The following GFAP variants were observed in gnomAD, a reference collection of about 807,000 sequenced individuals.
The protein encoded by GFAP is glial fibrillary acidic protein.
In GFAP, 38 loss-of-function variants were observed where a neutral mutation model predicts 49.3. That is an observed-to-expected ratio of 0.77 (90% CI 0.60 to 1.01). GFAP has a LOEUF of 1.01. Ranked by LOEUF, GFAP falls within the 50% of genes least tolerant of loss-of-function variation. GFAP has a pLI of 0.00. For synonymous variants in GFAP, 222 were observed against 236.4 expected (o/e 0.94, Z 0.56); for missense variants, 463 against 579.1 (o/e 0.80, Z 2.06).
At position 44,904,400 on chromosome 17, in the gene GFAP, G is replaced by A. The variant is rs567170574; in HGVS notation, c.*2947C>T. 7 of 1,542,180 alleles carry A rather than the reference G, an allele frequency of 4.5e-6. No individual in the cohort carries two copies. The highest frequency in any genetic ancestry group is 4.9e-5 in the East Asian group (2 of 40,674). On this transcript the variant is annotated 3_prime_UTR_variant, in exon 9 of 9. Coordinates refer to ENST00000588735, the MANE Select transcript of GFAP (RefSeq NM_002055.5). ...AGTGCGTGGGGAGCAGTGGCGCATC[G>A]GCCTCTGCTACCTGCAGAGCCCAGA...
At chr17:44,910,572 G>GC in intron 7 of GFAP, 43 bp downstream of exon 7, 1 of 1,559,040 alleles carries the variant, frequency 6.4e-7, no homozygotes, top group Non-Finnish European at 8.7e-7. Flanking sequence ...GGAGGAGGGG[G>GC]CAGGACTCCA....
chr17:44,911,425 T>C lies in GFAP; in HGVS notation c.938A>G (p.Gln313Arg), dbSNP rs762694136. Residue 313 changes from glutamine (Q) to arginine (R), a missense_variant, in exon 6 of 9, where the codon CAG becomes CGG. Gln to Arg is a conservative substitution (Grantham distance 43, BLOSUM62 1). Coordinates refer to ENST00000588735, the MANE Select transcript of GFAP (RefSeq NM_002055.5). ...NESLERQMRE[Q>R]EERHVREAAS... ...CGCCTCCCGCACGTGCCGCTCCTCC[T>C]GCTCGCGCATCTGCCTCTCCAGGGA... is the stretch of plus-strand genomic sequence containing the variant. 6 of 1,611,752 alleles carry C rather than the reference T, an allele frequency of 3.7e-6. No individual in the cohort carries two copies. The South Asian group carries it at 6.6e-5, about 18-fold the overall frequency.
At chr17:44,908,600 C>CCTGT (rs1400091872) in intron 7 of GFAP, 1 of 155,132 alleles carries the variant, frequency 6.4e-6, no homozygotes, top group African/African-American at 2.4e-5. Context: ...GTGGCTCACA[C>CCTGT]CTGTAATCCC....
intron 7 of GFAP, chr17:44,909,768 C>A: frequency 9.1e-7 from 1 of 1,100,524 alleles, no homozygotes; most frequent in South Asian, 2.9e-5. Flanking sequence ...CTGAGCTGAG[C>A]GATGGAGCCT....
At position 44,903,787 on chromosome 17, in the gene GFAP, C is replaced by A; in HGVS notation, c.*3560G>T. 6.6e-7 allele frequency: 1 copy of A among 1,515,630 alleles called. No homozygotes were observed. Among genetic ancestry groups the A allele is most frequent in the Non-Finnish European group, 8.8e-7 (1 of 1,130,210 alleles). The allele number at this position is 1,515,630 out of a possible 1,614,324, so 93.9% of individuals were successfully genotyped here. ...CTAGGAGCCCTATGAGCCTTTAATG[C>A]CCTGGTTTTGCCCTGCCCCTCTGAC... On this transcript the variant is annotated 3_prime_UTR_variant, in exon 9 of 9. Transcript: ENST00000588735.
At position 44,910,154 on chromosome 17, in the gene GFAP, C is replaced by T. The variant is rs958502694; in HGVS notation, c.1171+461G>A. The T allele has an allele frequency of 1.9e-6, 3 of 1,613,832 alleles. No homozygotes were observed. The East Asian group carries it at 6.7e-5, about 36-fold the overall frequency. On this transcript the variant is annotated intron_variant, in intron 7 of 8. Coordinates refer to ENST00000588735, the MANE Select transcript of GFAP (RefSeq NM_002055.5). ...CAGGCAGCTAACCGCGAGCCGGCGGCGTTCCATTTACAATCTGGTGAGCCT... is the reference window on the plus strand; with the variant it reads ...CAGGCAGCTAACCGCGAGCCGGCGGTGTTCCATTTACAATCTGGTGAGCCT...
intron 6 of GFAP, 85 bp from the exon 7 acceptor site, chr17:44,910,743 T>C (rs2051744221): frequency 1.3e-6 from 2 of 1,536,696 alleles, no homozygotes; most frequent in Non-Finnish European, 1.8e-6. Flanking sequence ...TCATGACAAC[T>C]TGAACGCCCT....
At chr17:44,914,620 C>A (rs114226788) in intron 1 of GFAP, 1 of 247,984 alleles carries the variant, frequency 4.0e-6, no homozygotes, top group Admixed American at 5.1e-5. Context: ...ACTTTCTTCA[C>A]CCCAGAATCC....
At position 44,915,381 on chromosome 17, in the gene GFAP, GGGTGCCAGGACCCAGACGGCGGCCA is replaced by G. The variant is rs763392767; in HGVS notation, c.81_105del (p.Gly28AlafsTer38). On this transcript the variant is annotated frameshift_variant, in exon 1 of 9. Coordinates refer to ENST00000588735, the MANE Select transcript of GFAP (RefSeq NM_002055.5). LOFTEE classifies it high-confidence loss of function. The surrounding 1 kb of genome is among the most constrained non-coding windows in gnomAD (Gnocchi z 4.1). ...GGGGGCATTCGAGCCAGGGAGAGGCGGGTGCCAGGACCCAGACGGCGGCCAGGAGCCAGGCCCCCCACCATCATCT... is the reference window on the plus strand; with the variant it reads ...GGGGGCATTCGAGCCAGGGAGAGGCGGGAGCCAGGCCCCCCACCATCATCT... The G allele has an allele frequency of 6.2e-7, 1 of 1,608,666 alleles. No individual in the cohort carries two copies. Among genetic ancestry groups the G allele is most frequent in the Non-Finnish European group, 8.5e-7 (1 of 1,176,472 alleles).
At position 44,907,394 on chromosome 17, in the gene GFAP, G is replaced by C. The variant is rs1339469711; in HGVS notation, c.1258-6C>G. 21 of 1,609,424 alleles carry C rather than the reference G, an allele frequency of 1.3e-5. No individual in the cohort carries two copies. The highest frequency in any genetic ancestry group is 1.7e-5 in the Non-Finnish European group (20 of 1,175,844). On this transcript the variant is annotated splice_region_variant and splice_polypyrimidine_tract_variant and intron_variant, in intron 8 of 8. Transcript: ENST00000588735. Reference sequence around the variant, plus strand: ...TGCTTGGACTCCTTAATGACCTGCAGGGGACAGGGAACGTGCACAGTGCAA... The same window carrying C: ...TGCTTGGACTCCTTAATGACCTGCACGGGACAGGGAACGTGCACAGTGCAA...
Position 44,903,807 on chromosome 17 carries a change from T to A in GFAP, c.*3540A>T, listed in dbSNP as rs1277247795. 1.3e-6 allele frequency: 2 copies of A among 1,541,198 alleles called. No individual in the cohort carries two copies. The highest frequency in any genetic ancestry group is 1.8e-6 in the Non-Finnish European group (2 of 1,141,862). Reference sequence around the variant, plus strand: ...TAATGCCCTGGTTTTGCCCTGCCCCTCTGACCCCTGCCTCCTTCAGGTATG... The same window carrying A: ...TAATGCCCTGGTTTTGCCCTGCCCCACTGACCCCTGCCTCCTTCAGGTATG... On this transcript the variant is annotated 3_prime_UTR_variant, in exon 9 of 9. Transcript: ENST00000588735.
At position 44,904,871 on chromosome 17, in the gene GFAP, C is replaced by T. The variant is rs1440127190; in HGVS notation, c.*2476G>A. On this transcript the variant is annotated 3_prime_UTR_variant, in exon 9 of 9. Transcript: ENST00000588735. ...CCGGGGCATCTACTATTGCTGGAGG[C>T]AGGGTGTGCTAGTTGCTGGCTTCCG... 1 of 1,550,540 alleles carries T rather than the reference C, an allele frequency of 6.4e-7. No homozygotes were observed. Among genetic ancestry groups the T allele is most frequent in the Non-Finnish European group, 8.7e-7 (1 of 1,146,988 alleles).
intron 8 of GFAP, chr17:44,907,822 AGAGT>A: frequency 1.6e-6 from 1 of 608,990 alleles, no homozygotes. Flanking sequence ...TGAGAAAGAG[AGAGT>A]GTGTATTAGG....
At chr17:44,914,143 C>A in intron 1 of GFAP, 55 bp from the exon 2 acceptor site, 1 of 1,271,530 alleles carries the variant, frequency 7.9e-7, no homozygotes, top group Non-Finnish European at 1.1e-6. Context: ...CACTTGAATA[C>A]CTGCCTCAGT....
Position 44,905,211 on chromosome 17 carries a change from C to T in GFAP, c.*2136G>A. 1 of 691,850 alleles carries T rather than the reference C, an allele frequency of 1.4e-6. No individual in the cohort carries two copies. The highest frequency in any genetic ancestry group is 2.5e-6 in the Non-Finnish European group (1 of 407,908). 42.9% of individuals were successfully genotyped at this position (691,850 alleles called of 1,614,324 possible). On this transcript the variant is annotated 3_prime_UTR_variant, in exon 9 of 9. Coordinates refer to ENST00000588735, the MANE Select transcript of GFAP (RefSeq NM_002055.5). ...TCTGTTACAGCCTGCTCCCCATTTT[C>T]ATGGGCAGGTCTGGGACCTGATCTG...
At chr17:44,914,956 C>G in intron 1 of GFAP, 70 bp downstream of exon 1, 2 of 1,410,786 alleles carry the variant, frequency 1.4e-6, no homozygotes, top group Non-Finnish European at 2.0e-6. Context: ...CCTGAGACTT[C>G]TCGGGCACTC....
intron 4 of GFAP, chr17:44,912,858 G>A (rs2051806685): frequency 7.1e-6 from 2 of 283,448 alleles, no homozygotes; most frequent in South Asian, 3.8e-5. Flanking sequence ...ACTGGCAGAG[G>A]CATGGAATGC....
At chr17:44,910,461 G>A (rs1193205652) in intron 7 of GFAP, 154 bp downstream of exon 7, 1 of 1,561,604 alleles carries the variant, frequency 6.4e-7, no homozygotes, top group Non-Finnish European at 8.7e-7. Flanking sequence ...TGGTATGATA[G>A]GCTCTGGCTA....
At position 44,906,770 on chromosome 17, in the gene GFAP, C is replaced by A. The variant is rs1281108923; in HGVS notation, c.*577G>T. 2 of 182,542 alleles carry A rather than the reference C, an allele frequency of 1.1e-5. No individual in the cohort carries two copies. Among genetic ancestry groups the A allele is most frequent in the Non-Finnish European group, 2.3e-5 (2 of 85,812 alleles). The allele number at this position is 182,542 out of a possible 1,614,324, so 11.3% of individuals were successfully genotyped here. A position where few individuals can be genotyped will look rare whatever the true frequency, so the allele number is the denominator to read the frequency against. ...TACACAGGAGGCTGAGGTGGGTAGA[C>A]TGCTTGAGCCCAGGAGTTCAAGGTC... On this transcript the variant is annotated 3_prime_UTR_variant, in exon 9 of 9. Transcript: ENST00000588735.
Sources: allele counts gnomAD v4.1 joint callset, GRCh38; gene constraint gnomAD v4.1.1; non-coding constraint Gnocchi (gnomAD v3.1); transcripts MANE v1.5; gene names NCBI Gene and HGNC (gene_info 2026-07-23, HGNC 2026-07-21).